The following ZRANB3 variants were observed in gnomAD, a reference collection of about 807,000 sequenced individuals.
ZRANB3 encodes the protein DNA annealing helicase and endonuclease ZRANB3.
ZRANB3 carries 125 observed loss-of-function variants against 133.8 expected under a neutral mutation model. The observed-to-expected ratio is 0.93, with a 90% CI of 0.81 to 1.08. The LOEUF (loss-of-function observed/expected upper bound fraction) is 1.08. Ranked by LOEUF, ZRANB3 falls within the 50% of genes least tolerant of loss-of-function variation. ZRANB3 has a pLI of 0.00. For synonymous variants in ZRANB3, 387 were observed against 432.7 expected (o/e 0.89, Z 1.31); for missense variants, 1,229 against 1,275.5 (o/e 0.96, Z 0.56).
At chr2:135,301,625 C>G (rs941711738) in intron 8 of ZRANB3, among the ~76,000 whole-genome samples, 1 of 152,162 alleles carries the variant, frequency 6.6e-6, no homozygotes, top group African/African-American at 2.4e-5. Flanking sequence ...TGAGTTTCCA[C>G]AAACTGTTTC....
At chr2:135,479,032 AAGT>A (rs1691638056) in intron 2 of ZRANB3, among the ~76,000 whole-genome samples, 1 of 152,000 alleles carries the variant, frequency 6.6e-6, no homozygotes, top group Non-Finnish European at 1.5e-5. Flanking sequence ...CAGTTTTCCA[AAGT>A]AGTTGTGCCA....
intron 6 of ZRANB3, among the ~76,000 whole-genome samples, chr2:135,340,117 T>C (rs890974693): frequency 1.3e-5 from 2 of 151,172 alleles, no homozygotes; most frequent in Middle Eastern, 3.2e-3. Context: ...TTTTTTTTTT[T>C]TTTTTAAGAC....
intron 8 of ZRANB3, among the ~76,000 whole-genome samples, chr2:135,309,609 T>C (rs1682875353): frequency 6.6e-6 from 1 of 152,186 alleles, no homozygotes; most frequent in African/African-American, 2.4e-5. Context: ...CCTGGAAATT[T>C]ACATTTTAAA....
At chr2:135,350,788 G>C (rs1033583274) in intron 4 of ZRANB3, among the ~76,000 whole-genome samples, 3 of 152,138 alleles carry the variant, frequency 2.0e-5, no homozygotes, top group Non-Finnish European at 4.4e-5. Flanking sequence ...AAGCTTCCTG[G>C]ACCTGAGATG....
intron 15 of ZRANB3, among the ~76,000 whole-genome samples, 174 bp downstream of exon 15, chr2:135,224,252 C>A (rs116129201): frequency 6.6e-6 from 1 of 152,112 alleles, no homozygotes; most frequent in African/African-American, 2.4e-5. Flanking sequence ...TTCTTAAAGA[C>A]GTGTGGTTTT....
intron 2 of ZRANB3, among the ~76,000 whole-genome samples, chr2:135,441,774 T>C (rs972780593): frequency 6.6e-6 from 1 of 152,032 alleles, no homozygotes; most frequent in Non-Finnish European, 1.5e-5. Flanking sequence ...TTATAATTCC[T>C]AGAGCAACAA....
chr2:135,402,591 G>A (rs896947558), intron 2 of ZRANB3, among the ~76,000 whole-genome samples: 3 of 149,150 alleles, frequency 2.0e-5, no homozygotes, highest in African/African-American at 7.6e-5. Context: ...ACTGCACCCA[G>A]ACTTTTTTTT....
At chr2:135,529,837 G>A (rs751162394) in intron 1 of ZRANB3, among the ~76,000 whole-genome samples, 1 of 151,646 alleles carries the variant, frequency 6.6e-6, no homozygotes, top group Non-Finnish European at 1.5e-5. Context: ...ATAAATGGTC[G>A]TTACTCAAAG....
intron 2 of ZRANB3, among the ~76,000 whole-genome samples, chr2:135,414,082 G>A (rs185489454): frequency 6.6e-6 from 1 of 151,480 alleles, no homozygotes; most frequent in African/African-American, 2.4e-5. Context: ...CATAATGGCA[G>A]GATCAAATTC....
chr2:135,252,653 A>G (rs1328045478), intron 12 of ZRANB3, among the ~76,000 whole-genome samples: 1 of 152,192 alleles, frequency 6.6e-6, no homozygotes. Context: ...AGATGTCCTG[A>G]GTGAACCCTT....
intron 5 of ZRANB3, among the ~76,000 whole-genome samples, chr2:135,347,706 A>G (rs1378190266): frequency 3.3e-5 from 5 of 152,248 alleles, no homozygotes; most frequent in African/African-American, 9.6e-5. Context: ...ATATGACAAC[A>G]TATTCAGAAA....
At position 135,494,136 on chromosome 2, in the gene ZRANB3, G is replaced by GGGAA. The variant is rs529553987; in HGVS notation, c.161+10189_161+10192dup. Among the ~76,000 whole-genome samples, 726 of 105,306 alleles carry GGGAA rather than the reference G, an allele frequency of 6.9e-3. 11 individuals are homozygous for GGGAA. Among genetic ancestry groups the GGGAA allele is most frequent in the South Asian group, 0.016 (41 of 2,568 alleles). 69.1% of individuals were successfully genotyped at this position (105,306 alleles called of 152,430 possible). On this transcript the variant is annotated intron_variant, in intron 2 of 20. Transcript: ENST00000264159. ...AGGGAGGGAGGAAGGGAGGGAGAGA[G>GGGAA]GGAAGGAAGGAAGGAAGGAAGGAAG...
intron 9 of ZRANB3, 31 bp downstream of exon 9, chr2:135,275,605 A>G: frequency 6.5e-7 from 1 of 1,537,512 alleles, no homozygotes; most frequent in Non-Finnish European, 8.8e-7. Context: ...ATGCATTCTA[A>G]AAAGTATTTA....
Position 135,376,089 on chromosome 2 carries a change from G to A in ZRANB3, c.180+14713C>T, listed in dbSNP as rs187602906. ...GGCATAGACACTCTGGGAGAATGGC[G>A]TGTGAAGACAGAGGCAGACAATACA... On this transcript the variant is annotated intron_variant, in intron 3 of 20. Coordinates refer to ENST00000264159, the MANE Select transcript of ZRANB3 (RefSeq NM_032143.4). 5.9e-5 allele frequency among the ~76,000 whole-genome samples: 9 copies of A among 152,268 alleles called. No homozygotes were observed. The East Asian group carries it at 7.7e-4, about 13-fold the overall frequency.
At chr2:135,398,199 G>A (rs1170832315) in intron 2 of ZRANB3, among the ~76,000 whole-genome samples, 3 of 151,850 alleles carry the variant, frequency 2.0e-5, no homozygotes, top group African/African-American at 4.8e-5. Flanking sequence ...CCAAGTAGCT[G>A]GGACTATAGG....
chr2:135,488,587 C>T (rs1280543464), intron 2 of ZRANB3, among the ~76,000 whole-genome samples: 1 of 150,370 alleles, frequency 6.7e-6, no homozygotes, highest in Non-Finnish European at 1.5e-5. Context: ...TTGTAAAAAC[C>T]ACAATATATG....
intron 2 of ZRANB3, among the ~76,000 whole-genome samples, chr2:135,426,199 T>C (rs1299696517): frequency 6.6e-6 from 1 of 152,004 alleles, no homozygotes; most frequent in Non-Finnish European, 1.5e-5. Flanking sequence ...ATAAAAAGCC[T>C]ACCAAGCAGA....
Position 135,305,725 on chromosome 2 carries a change from C to T in ZRANB3, c.966+7764G>A, listed in dbSNP as rs557384802. ...TGATGGTAGATACAATTATTTTTTT[C>T]CAGGTGTAGGGCTCCTTTAAGTTTT... is the stretch of plus-strand genomic sequence containing the variant. On this transcript the variant is annotated intron_variant, in intron 8 of 20. Coordinates refer to ENST00000264159, the MANE Select transcript of ZRANB3 (RefSeq NM_032143.4). 2.4e-4 allele frequency among the ~76,000 whole-genome samples: 36 copies of T among 152,106 alleles called. No individual in the cohort carries two copies. In the East Asian group the frequency reaches 6.7e-3, roughly 29 times the overall value.
chr2:135,529,251 T>C (rs567964979), intron 1 of ZRANB3, among the ~76,000 whole-genome samples: 77 of 152,304 alleles, frequency 5.1e-4, no homozygotes, highest in Middle Eastern at 6.8e-3. Flanking sequence ...GGCACACGCA[T>C]AGGGAGGGAA....
Sources: allele counts gnomAD v4.1 joint callset (sites outside exome capture counted in the v4.1 genomes callset), GRCh38; gene constraint gnomAD v4.1.1; transcripts MANE v1.5; gene names NCBI Gene and HGNC (gene_info 2026-07-23, HGNC 2026-07-21).